The following PLCB4 variants were observed in gnomAD, a reference collection of about 807,000 sequenced individuals.
PLCB4 encodes 1-phosphatidylinositol 4,5-bisphosphate phosphodiesterase beta-4.
A neutral mutation model predicts 178.8 loss-of-function variants in PLCB4; 77 were observed. That is an observed-to-expected ratio of 0.43 (90% CI 0.36 to 0.52). The LOEUF is 0.52. Ranked by LOEUF, PLCB4 falls within the 20% of genes least tolerant of loss-of-function variation. PLCB4 has a pLI of 0.00. For missense variants in PLCB4, 1,024 were observed against 1,453.4 expected (o/e 0.70, Z 4.80); for synonymous variants, 496 against 490.8 (o/e 1.01, Z -0.14).
At chr20:9,233,744 G>C (rs1164215400) in intron 3 of PLCB4, among the ~76,000 whole-genome samples, 1 of 152,286 alleles carries the variant, frequency 6.6e-6, no homozygotes, top group African/African-American at 2.4e-5. Flanking sequence ...TGGGGAGCAA[G>C]TGGTAGATTA....
Position 9,415,950 on chromosome 20 carries a change from C to G in PLCB4, c.2052-3857C>G, listed in dbSNP as rs73895798. Among the ~76,000 whole-genome samples, 662 of 152,302 alleles carry G rather than the reference C, an allele frequency of 4.3e-3. 2 individuals carry two copies. The highest frequency in any genetic ancestry group is 0.015 in the African/African-American group (630 of 41,574). The stretch of plus-strand genomic sequence containing the variant: ...TATGAGAGGCAACCTCTGCTGCTCT[C>G]TCAGACCGCCTTGGACCCAGAACAG... On this transcript the variant is annotated intron_variant, in intron 25 of 39. Transcript: ENST00000378473.
chr20:9,360,871 T>A (rs1479259660), intron 7 of PLCB4, among the ~76,000 whole-genome samples: 1 of 152,220 alleles, frequency 6.6e-6, no homozygotes, highest in Non-Finnish European at 1.5e-5. Context: ...TTATAACCCC[T>A]AAGTCTTCCC....
intron 2 of PLCB4, among the ~76,000 whole-genome samples, chr20:9,173,160 G>A (rs181848465): frequency 5.9e-5 from 9 of 152,264 alleles, no homozygotes; most frequent in East Asian, 3.9e-4. Flanking sequence ...GGGGTGTAGC[G>A]TTGAGCCAGT....
At chr20:9,393,783 G>T in intron 18 of PLCB4, 105 bp downstream of exon 18, 1 of 669,856 alleles carries the variant, frequency 1.5e-6, no homozygotes, top group Non-Finnish European at 2.6e-6. Flanking sequence ...TTTGGGGGAA[G>T]GGTGTAGGGG....
At chr20:9,383,182 A>C (rs2148363599) in intron 13 of PLCB4, among the ~76,000 whole-genome samples, 1 of 152,336 alleles carries the variant, frequency 6.6e-6, no homozygotes, top group African/African-American at 2.4e-5. Context: ...AGGTTGCAGA[A>C]CCATTTTGGA....
At chr20:9,234,144 C>A (rs754107956) in intron 3 of PLCB4, among the ~76,000 whole-genome samples, 1 of 152,024 alleles carries the variant, frequency 6.6e-6, no homozygotes, top group Non-Finnish European at 1.5e-5. Flanking sequence ...GAGGATGACT[C>A]CCAGGGTGCC....
chr20:9,116,019 G>A (rs537988103), intron 2 of PLCB4, among the ~76,000 whole-genome samples: 5 of 151,850 alleles, frequency 3.3e-5, no homozygotes, highest in Non-Finnish European at 5.9e-5. Flanking sequence ...ATCGTTTTTT[G>A]TACATTTTGA....
intron 7 of PLCB4, among the ~76,000 whole-genome samples, chr20:9,353,619 C>T (rs1399035519): frequency 1.3e-5 from 2 of 152,186 alleles, no homozygotes; most frequent in African/African-American, 4.8e-5. Context: ...TTTGTCAAGT[C>T]CTGCCTGTAC....
In PLCB4 at chr20:9,478,942, G is replaced by A. The variant is rs1305812384; in HGVS notation, c.3554G>A (p.Gly1185Asp). The change falls in exon 40 of 40, where the codon GGT (glycine) becomes GAT (aspartate). Residue 1185 changes from glycine (G) to aspartate (D), a missense_variant. By Grantham distance (94) the Gly-to-Asp change is moderately conservative. Around this residue, in one of 7 missense-constraint regions of PLCB4, gnomAD observed 264 missense variants for 283.2 expected, o/e 0.93. Transcript: ENST00000378473. ...QTQGEGDAADGEIGSRDGPQT... is the reference protein window; with the variant it reads ...QTQGEGDAADDEIGSRDGPQT... ...ATAGGCGAAGGAGATGCAGCAGATGGTGAAATTGGAAGCCGAGATGGACCG... is the reference window on the plus strand; with the variant it reads ...ATAGGCGAAGGAGATGCAGCAGATGATGAAATTGGAAGCCGAGATGGACCG... The A allele has an allele frequency of 6.2e-7, 1 of 1,613,598 alleles. No homozygotes were observed.
chr20:9,350,143 A>G (rs925939332), intron 7 of PLCB4, among the ~76,000 whole-genome samples: 1 of 152,104 alleles, frequency 6.6e-6, no homozygotes, highest in Non-Finnish European at 1.5e-5. Flanking sequence ...AGCGATGTTT[A>G]AAAAATAAAT....
chr20:9,195,361 A>G (rs891036693), intron 2 of PLCB4, among the ~76,000 whole-genome samples: 1 of 152,150 alleles, frequency 6.6e-6, no homozygotes, highest in Non-Finnish European at 1.5e-5. Flanking sequence ...TTATACGTCA[A>G]CCTGACTCGG....
chr20:9,329,999 C>G (rs1284560245), intron 4 of PLCB4, among the ~76,000 whole-genome samples: 3 of 152,122 alleles, frequency 2.0e-5, no homozygotes, highest in Non-Finnish European at 2.9e-5. Context: ...TTTAGTTTAA[C>G]TTGAAAAAAA....
chr20:9,255,457 C>T (rs2094223824), intron 3 of PLCB4, among the ~76,000 whole-genome samples: 1 of 151,838 alleles, frequency 6.6e-6, no homozygotes, highest in African/African-American at 2.4e-5. Context: ...ACTTGTCTCT[C>T]CTCTCTACTA....
chr20:9,360,324 A>G (rs1034882917), intron 7 of PLCB4, among the ~76,000 whole-genome samples: 1 of 152,216 alleles, frequency 6.6e-6, no homozygotes, highest in Non-Finnish European at 1.5e-5. Context: ...CATCACAATA[A>G]ACAAGATTCC....
chr20:9,468,083 T>C (rs2043920447), intron 35 of PLCB4, among the ~76,000 whole-genome samples: 1 of 152,154 alleles, frequency 6.6e-6, no homozygotes. Flanking sequence ...TTTCTCTCTC[T>C]CTTCCAGCCC....
intron 3 of PLCB4, among the ~76,000 whole-genome samples, chr20:9,267,128 A>ACC (rs1308310814): frequency 2.6e-5 from 4 of 152,120 alleles, no homozygotes; most frequent in Non-Finnish European, 5.9e-5. Context: ...AAACTTAGGT[A>ACC]CTCTCTCTAG....
intron 12 of PLCB4, among the ~76,000 whole-genome samples, chr20:9,374,866 TTAAG>T (rs1233415486): frequency 6.6e-6 from 1 of 152,186 alleles, no homozygotes; most frequent in African/African-American, 2.4e-5. Flanking sequence ...GATTCTTTCT[TTAAG>T]TATTTATTAT....
At chr20:9,333,605 G>A (rs967200542) in intron 4 of PLCB4, among the ~76,000 whole-genome samples, 3 of 152,118 alleles carry the variant, frequency 2.0e-5, no homozygotes, top group Non-Finnish European at 2.9e-5. Context: ...AATATGATAG[G>A]AATCCATTGA....
chr20:9,426,401 G>A lies in PLCB4; in HGVS notation c.2524+2449G>A, dbSNP rs6056611. On this transcript the variant is annotated intron_variant, in intron 28 of 39. Coordinates refer to ENST00000378473, the MANE Select transcript of PLCB4 (RefSeq NM_001377142.1). ...GTTTGTTTATTTATTTATTTGAGAC[G>A]GAGTTTTGCTCTTGTCACCCAGGCT... is the stretch of plus-strand genomic sequence containing the variant. 6.1e-3 allele frequency among the ~76,000 whole-genome samples: 932 copies of A among 151,932 alleles called. 7 individuals are homozygous for A. The highest frequency in any genetic ancestry group is 0.021 in the African/African-American group (886 of 41,438).
Sources: allele counts gnomAD v4.1 joint callset (sites outside exome capture counted in the v4.1 genomes callset), GRCh38; gene constraint gnomAD v4.1.1; regional missense constraint gnomAD v4.1.1; transcripts MANE v1.5; gene names NCBI Gene and HGNC (gene_info 2026-07-23, HGNC 2026-07-21).